The following CLPTM1L variants were observed in gnomAD, a reference collection of about 807,000 sequenced individuals.
The protein encoded by CLPTM1L is CLPTM1 like, also known as lipid scramblase CLPTM1L.
A neutral mutation model predicts 70.9 loss-of-function variants in CLPTM1L; 38 were observed. That is an observed-to-expected ratio of 0.54 (90% CI 0.41 to 0.70). The LOEUF is 0.70. Ranked by LOEUF, CLPTM1L falls within the 30% of genes least tolerant of loss-of-function variation. The pLI is 0.00. For missense variants in CLPTM1L, 652 were observed against 705.9 expected (o/e 0.92, Z 0.87); for synonymous variants, 339 against 299.9 (o/e 1.13, Z -1.35).
intron 9 of CLPTM1L, among the ~76,000 whole-genome samples, chr5:1,327,726 T>TCCAGCTCCTCCTCTACAGGGACATTCCAC (rs1561235722): frequency 2.5e-4 from 37 of 146,988 alleles, no homozygotes; most frequent in African/African-American, 7.4e-4. Flanking sequence ...GGACATTTCA[T>TCCAGCTCCTCCTCTACAGGGACATTCCAC]CCAGCTCCTC....
At chr5:1,340,803 G>C (rs1007965695) in intron 3 of CLPTM1L, among the ~76,000 whole-genome samples, 1 of 152,172 alleles carries the variant, frequency 6.6e-6, no homozygotes, top group African/African-American at 2.4e-5. Flanking sequence ...ATTTTTCTGA[G>C]GCAGAGTCTC....
At chr5:1,340,059 C>T (rs187360193) in intron 3 of CLPTM1L, among the ~76,000 whole-genome samples, 4 of 152,368 alleles carry the variant, frequency 2.6e-5, no homozygotes, top group East Asian at 3.9e-4. Flanking sequence ...CTGCCAATTC[C>T]GCCAGACTCT....
At chr5:1,330,540 T>C (rs918430151) in intron 8 of CLPTM1L, 157 bp from the exon 9 acceptor site, 8 of 607,936 alleles carry the variant, frequency 1.3e-5, no homozygotes, top group African/African-American at 1.1e-4. Flanking sequence ...AAAAGAACAA[T>C]GAAGCATTCA....
At chr5:1,331,419 G>A (rs1267690441) in intron 8 of CLPTM1L, 8 of 275,080 alleles carry the variant, frequency 2.9e-5, no homozygotes, top group African/African-American at 8.6e-5. Flanking sequence ...GCGGGAGGAC[G>A]GGGCGAGGGA....
chr5:1,344,579 C>G, intron 1 of CLPTM1L, 101 bp downstream of exon 1: 2 of 1,463,664 alleles, frequency 1.4e-6, no homozygotes, highest in South Asian at 2.5e-5. Flanking sequence ...TCTCGACTCG[C>G]GCGGCCACAG....
intron 8 of CLPTM1L, 75 bp from the exon 9 acceptor site, chr5:1,330,458 C>T: frequency 8.5e-7 from 1 of 1,172,940 alleles, no homozygotes; most frequent in Non-Finnish European, 1.3e-6. Flanking sequence ...ACACACATAC[C>T]CCCAGTCCCC....
chr5:1,341,469 T>C (rs1012190244), intron 3 of CLPTM1L, among the ~76,000 whole-genome samples: 20 of 152,138 alleles, frequency 1.3e-4, no homozygotes, highest in Non-Finnish European at 2.2e-4. Flanking sequence ...TGTCCCTAAT[T>C]TTAGATAAAA....
intron 16 of CLPTM1L, among the ~76,000 whole-genome samples, chr5:1,319,492 C>A (rs547031683): frequency 1.2e-3 from 177 of 152,278 alleles, no homozygotes; most frequent in African/African-American, 4.0e-3. Context: ...CTGGCTGGGA[C>A]AGAGGCTCTG....
chr5:1,331,104 A>G (rs370348), intron 8 of CLPTM1L: 68,694 of 152,610 alleles, frequency 0.45, 16,244 homozygotes, highest in African/African-American at 0.57. Context: ...CCCATCAACC[A>G]CTCGCCCCTG....
intron 7 of CLPTM1L, among the ~76,000 whole-genome samples, chr5:1,332,920 G>A (rs903103802): frequency 1.3e-5 from 2 of 152,132 alleles, no homozygotes; most frequent in Non-Finnish European, 2.9e-5. Context: ...TATAACACCA[G>A]ATGAGGATAA....
At chr5:1,344,274 A>T in intron 2 of CLPTM1L, 77 bp downstream of exon 2, 2 of 974,088 alleles carry the variant, frequency 2.1e-6, no homozygotes, top group Non-Finnish European at 3.3e-6. Context: ...CATGTTATGT[A>T]CAGAAAGCTA....
chr5:1,344,392 G>C lies in CLPTM1L; in HGVS notation c.222C>G (p.Val74=), dbSNP rs138482151. The change falls in exon 2 of 17, where the codon GTC becomes GTG. Residue 74 remains valine, a synonymous_variant. Transcript: ENST00000320895. ...CCACATCAAAGTCTTCCACATTCAAGACCAGGTCGATGTTGTTCTCAGCAC... is the reference window on the plus strand; with the variant it reads ...CCACATCAAAGTCTTCCACATTCAACACCAGGTCGATGTTGTTCTCAGCAC... The part of the protein sequence containing the change: ...HLGAENNIDL[V]LNVEDFDVES... The C allele has an allele frequency of 4.1e-4, 668 of 1,613,728 alleles. No individual in the cohort carries two copies. Among genetic ancestry groups the C allele is most frequent in the Non-Finnish European group, 5.4e-4 (639 of 1,179,968 alleles).
intron 9 of CLPTM1L, among the ~76,000 whole-genome samples, chr5:1,329,096 G>A (rs376666152): frequency 3.3e-5 from 5 of 152,242 alleles, no homozygotes; most frequent in African/African-American, 9.6e-5. Flanking sequence ...GGCTCCTGCC[G>A]GTGTGGCACA....
At chr5:1,344,088 G>A (rs1754117544) in intron 2 of CLPTM1L, among the ~76,000 whole-genome samples, 2 of 152,146 alleles carry the variant, frequency 1.3e-5, no homozygotes, top group Admixed American at 1.3e-4. Context: ...CTGCTCCTTC[G>A]GAGCCTCCCC....
At chr5:1,323,084 C>T (rs536223112) in intron 12 of CLPTM1L, among the ~76,000 whole-genome samples, 173 bp from the exon 13 acceptor site, 5 of 152,338 alleles carry the variant, frequency 3.3e-5, no homozygotes, top group East Asian at 1.9e-4. Context: ...CTGGAGATAG[C>T]GCTGAGCACC....
chr5:1,333,830 G>A (rs373615922), intron 7 of CLPTM1L, among the ~76,000 whole-genome samples: 8 of 151,888 alleles, frequency 5.3e-5, no homozygotes, highest in Non-Finnish European at 8.8e-5. Context: ...TATACACACA[G>A]GACTGACTTT....
chr5:1,334,444 C>G (rs1753423011), intron 6 of CLPTM1L, 61 bp from the exon 7 acceptor site: 2 of 1,199,064 alleles, frequency 1.7e-6, no homozygotes, highest in East Asian at 2.4e-5. Flanking sequence ...CCTAACATTA[C>G]AAATACAGTT....
chr5:1,329,086 G>C (rs941256099), intron 9 of CLPTM1L, among the ~76,000 whole-genome samples: 1 of 152,268 alleles, frequency 6.6e-6, no homozygotes, highest in Non-Finnish European at 1.5e-5. Context: ...CTCAGACTCC[G>C]GCTCCTGCCG....
In CLPTM1L at chr5:1,341,864, A is replaced by G; in HGVS notation, c.264-4T>C. On this transcript the variant is annotated splice_polypyrimidine_tract_variant and splice_region_variant and intron_variant, in intron 2 of 16. Transcript: ENST00000320895. ...TGGTACAGAAACATTAACTGTCCTG[A>G]AACAGAACAATCATTTCCACTACAT... 1 of 1,606,390 alleles carries G rather than the reference A, an allele frequency of 6.2e-7. No individual in the cohort carries two copies. Among genetic ancestry groups the G allele is most frequent in the Non-Finnish European group, 8.5e-7 (1 of 1,173,642 alleles).
Sources: allele counts gnomAD v4.1 joint callset (sites outside exome capture counted in the v4.1 genomes callset), GRCh38; gene constraint gnomAD v4.1.1; transcripts MANE v1.5; gene names NCBI Gene and HGNC (gene_info 2026-07-23, HGNC 2026-07-21).